The following KCNAB1 variants were observed in gnomAD, a reference collection of about 807,000 sequenced individuals.
KCNAB1 encodes voltage-gated potassium channel subunit beta-1.
In KCNAB1, 35 loss-of-function variants were observed where a neutral mutation model predicts 64.6. That is an observed-to-expected ratio of 0.54 (90% confidence interval 0.41 to 0.72). The LOEUF (loss-of-function observed/expected upper bound fraction) is 0.72. Among genes scored for constraint, KCNAB1 ranks in the 30% least tolerant of loss-of-function variants. The pLI is 0.00. For synonymous variants in KCNAB1, 177 were observed against 183.8 expected (o/e 0.96, Z 0.30); for missense variants, 401 against 512.9 (o/e 0.78, Z 2.11).
chr3:156,458,549 T>C (rs1712634912), intron 4 of KCNAB1, among the ~76,000 whole-genome samples: 1 of 152,182 alleles, frequency 6.6e-6, no homozygotes, highest in Non-Finnish European at 1.5e-5. Flanking sequence ...GCATTTTCCT[T>C]GCATGAGTTT....
At chr3:156,218,791 A>AC (rs1715488710) in intron 1 of KCNAB1, among the ~76,000 whole-genome samples, 4 of 70,630 alleles carry the variant, frequency 5.7e-5, no homozygotes, top group Admixed American at 5.3e-4. Context: ...AACAGCAAAA[A>AC]AAAAAAAAAA....
At chr3:156,390,114 T>G (rs1410325558) in intron 1 of KCNAB1, among the ~76,000 whole-genome samples, 1 of 152,224 alleles carries the variant, frequency 6.6e-6, no homozygotes. Flanking sequence ...TTGCATATTT[T>G]TTATGTCTGG....
chr3:156,487,397 C>T (rs1325309009), intron 8 of KCNAB1, among the ~76,000 whole-genome samples: 1 of 152,126 alleles, frequency 6.6e-6, no homozygotes, highest in Non-Finnish European at 1.5e-5. Flanking sequence ...TTATATGCCA[C>T]AAAAGCCTCA....
intron 11 of KCNAB1, among the ~76,000 whole-genome samples, chr3:156,521,017 A>G (rs1717908357): frequency 6.6e-6 from 1 of 152,356 alleles, no homozygotes; most frequent in East Asian, 1.9e-4. Context: ...ATAGGGACAT[A>G]TAAAATCATC....
rs529479951 is a variant in KCNAB1, at chr3:156,315,926, T to G, written c.276-105690T>G. ...AATAGTAGATAACCTGACAACATGT[T>G]TGTATCATAGAAGAATAATGGTATT... On this transcript the variant is annotated intron_variant, in intron 1 of 13. Coordinates refer to ENST00000490337, the MANE Select transcript of KCNAB1 (RefSeq NM_172160.3). Among the ~76,000 whole-genome samples the G allele has an allele frequency of 2.0e-4, 31 of 152,316 alleles. No homozygotes were observed. The South Asian group carries it at 6.4e-3, about 32-fold the overall frequency.
At chr3:156,245,219 C>T (rs1215779676) in intron 1 of KCNAB1, among the ~76,000 whole-genome samples, 2 of 152,222 alleles carry the variant, frequency 1.3e-5, no homozygotes, top group South Asian at 2.1e-4. Context: ...TATCTCCTAG[C>T]GATCTGCTTG....
Position 156,537,179 on chromosome 3 carries a change from A to G in KCNAB1, c.*432A>G. On this transcript the variant is annotated 3_prime_UTR_variant, in exon 14 of 14. Coordinates refer to ENST00000490337, the MANE Select transcript of KCNAB1 (RefSeq NM_172160.3). ...AATTCAGTGAAGGAAAGGAATTGAG[A>G]GATTTTTCTTAGTAAATAGATTATT... 2.5e-6 allele frequency: 1 copy of G among 397,808 alleles called. No individual in the cohort carries two copies. The allele number at this position is 397,808 out of a possible 1,614,324, so 24.6% of individuals were successfully genotyped here.
In KCNAB1 at chr3:156,361,963, T is replaced by G. The variant is rs150699371; in HGVS notation, c.276-59653T>G. On this transcript the variant is annotated intron_variant, in intron 1 of 13. Transcript: ENST00000490337. ...GCGTGAGCCACTGCAATGAATGAAT[T>G]ATTTGTCTATATTTATTCAACAAAT... Among the ~76,000 whole-genome samples, 684 of 152,362 alleles carry G rather than the reference T, an allele frequency of 4.5e-3. 5 individuals are homozygous for G. The highest frequency in any genetic ancestry group is 0.016 in the African/African-American group (660 of 41,586).
chr3:156,300,637 A>G (rs1188058745), intron 1 of KCNAB1, among the ~76,000 whole-genome samples: 1 of 152,192 alleles, frequency 6.6e-6, no homozygotes, highest in East Asian at 1.9e-4. Context: ...AATGTTTTTC[A>G]TATTTTGAAT....
intron 1 of KCNAB1, among the ~76,000 whole-genome samples, chr3:156,200,746 C>A (rs117042903): frequency 4.6e-5 from 7 of 152,334 alleles, no homozygotes; most frequent in Non-Finnish European, 2.9e-5. Context: ...GCTTGCTGCA[C>A]GATGTGGGAA....
At chr3:156,516,413 A>G (rs1403322259) in intron 11 of KCNAB1, 49 bp downstream of exon 11, 8 of 1,349,164 alleles carry the variant, frequency 5.9e-6, no homozygotes, top group Middle Eastern at 1.8e-4. Flanking sequence ...GAAGGAGGGA[A>G]GAAGGTTGGT....
chr3:156,469,739 A>G (rs1713739155), intron 7 of KCNAB1, among the ~76,000 whole-genome samples: 1 of 152,202 alleles, frequency 6.6e-6, no homozygotes. Context: ...GTGTTATTTT[A>G]CAGTCCATAG....
chr3:156,404,932 C>T (rs567889867), intron 1 of KCNAB1, among the ~76,000 whole-genome samples: 47 of 152,132 alleles, frequency 3.1e-4, no homozygotes, highest in Non-Finnish European at 5.7e-4. Context: ...AGGTATCAGC[C>T]GTAAAAGAGA....
intron 5 of KCNAB1, chr3:156,460,089 G>T (rs1219626068): frequency 4.1e-6 from 2 of 489,826 alleles, no homozygotes; most frequent in Non-Finnish European, 7.2e-6. Context: ...AATTACCAAA[G>T]AGTTGAGCAG....
At chr3:156,248,212 T>C (rs1165598942) in intron 1 of KCNAB1, among the ~76,000 whole-genome samples, 3 of 152,236 alleles carry the variant, frequency 2.0e-5, no homozygotes, top group Non-Finnish European at 4.4e-5. Context: ...AGTTTTGAGC[T>C]TTTGTGATGT....
chr3:156,191,555 A>G (rs1035740090), intron 1 of KCNAB1, among the ~76,000 whole-genome samples: 1 of 152,174 alleles, frequency 6.6e-6, no homozygotes, highest in African/African-American at 2.4e-5. Context: ...ACACAATACA[A>G]TTCTTGTAAG....
intron 1 of KCNAB1, among the ~76,000 whole-genome samples, chr3:156,343,900 T>G (rs1210031063): frequency 6.6e-6 from 1 of 152,240 alleles, no homozygotes; most frequent in Non-Finnish European, 1.5e-5. Context: ...AGATCCAATT[T>G]GACACATTTG....
chr3:156,532,273 T>A (rs1222503086), intron 13 of KCNAB1, among the ~76,000 whole-genome samples: 2 of 152,166 alleles, frequency 1.3e-5, no homozygotes, highest in Non-Finnish European at 2.9e-5. Context: ...GTTGAAAGGA[T>A]GTTCCTGGGA....
rs1719110373 is a variant in KCNAB1, at chr3:156,537,142, G to GTAGA, written c.*400_*403dup. 2 of 398,316 alleles carry GTAGA rather than the reference G, an allele frequency of 5.0e-6. No individual in the cohort carries two copies. Among genetic ancestry groups the GTAGA allele is most frequent in the South Asian group, 1.3e-4 (1 of 7,886 alleles). 24.7% of individuals were successfully genotyped at this position (398,316 alleles called of 1,614,324 possible). On this transcript the variant is annotated 3_prime_UTR_variant, in exon 14 of 14. Coordinates refer to ENST00000490337, the MANE Select transcript of KCNAB1 (RefSeq NM_172160.3). ...CAATGTGAGTTGCGTAAGAAACAGA[G>GTAGA]TAGATAGACTAAATTCAGTGAAGGA...
Sources: allele counts gnomAD v4.1 joint callset (sites outside exome capture counted in the v4.1 genomes callset), GRCh38; gene constraint gnomAD v4.1.1; transcripts MANE v1.5; gene names NCBI Gene and HGNC (gene_info 2026-07-23, HGNC 2026-07-21).